Variants in PREX1 observed in about 807,000 individuals in gnomAD.
PREX1 encodes the protein phosphatidylinositol 3,4,5-trisphosphate-dependent Rac exchanger 1 protein.
Under a neutral mutation model 198.3 loss-of-function variants are expected in PREX1, and 41 were observed. The ratio of observed to expected loss-of-function variants is 0.21; its 90% CI spans 0.16 to 0.27. The LOEUF (loss-of-function observed/expected upper bound fraction) is 0.27, where lower values mean the gene tolerates loss of function less well. PREX1 is among the 10% of genes least tolerant of loss of function. The pLI, the probability that PREX1 is intolerant of heterozygous loss-of-function variation, is 1.00. For missense variants in PREX1, 1,620 were observed against 2,200.7 expected (o/e 0.74, Z 5.28); for synonymous variants, 843 against 887.2 (o/e 0.95, Z 0.89).
At chr20:48,658,490 C>T (rs574778597) in intron 16 of PREX1, among the ~76,000 whole-genome samples, 31 of 152,258 alleles carry the variant, frequency 2.0e-4, no homozygotes, top group Admixed American at 1.6e-3. Flanking sequence ...TAGGGAGGAG[C>T]GGTCCCACCC....
chr20:48,691,554 G>T lies in PREX1; in HGVS notation c.1037-458C>A, dbSNP rs538946898. ...ACAGATTGGCATGATCTAGGGAAGC[G>T]AAAGCCTGAATCTGAGGAGGGCTCC... On this transcript the variant is annotated intron_variant, in intron 8 of 39. Transcript: ENST00000371941. This position sits in a 1 kb window ranked among gnomAD's most constrained non-coding sequence, Gnocchi z 5.0. Among the ~76,000 whole-genome samples, 2 of 152,196 alleles carry T rather than the reference G, an allele frequency of 1.3e-5. No individual in the cohort carries two copies. The highest frequency in any genetic ancestry group is 4.8e-5 in the African/African-American group (2 of 41,448).
chr20:48,681,092 T>C (rs1317906866), intron 11 of PREX1, 143 bp downstream of exon 11: 4 of 741,336 alleles, frequency 5.4e-6, no homozygotes, highest in Non-Finnish European at 9.1e-6. Flanking sequence ...AGGGCATCCA[T>C]GTTCCTGCGG....
intron 4 of PREX1, among the ~76,000 whole-genome samples, chr20:48,730,204 C>A (rs2090028576): frequency 6.6e-6 from 1 of 151,168 alleles, no homozygotes; most frequent in Non-Finnish European, 1.5e-5. Context: ...GCAAACAAGA[C>A]CCTCCCTGGA....
chr20:48,696,152 C>G (rs1252203347), intron 7 of PREX1, among the ~76,000 whole-genome samples: 1 of 152,170 alleles, frequency 6.6e-6, no homozygotes, highest in African/African-American at 2.4e-5. Context: ...TACTCTTTGT[C>G]CTGTTTAAGA....
At chr20:48,662,807 C>T (rs999701037) in intron 15 of PREX1, among the ~76,000 whole-genome samples, 1 of 152,176 alleles carries the variant, frequency 6.6e-6, no homozygotes, top group Non-Finnish European at 1.5e-5. Context: ...AGCAGGGTCA[C>T]GCCCTGCAAT....
chr20:48,714,890 G>C (rs185719024), intron 5 of PREX1, among the ~76,000 whole-genome samples: 2 of 152,156 alleles, frequency 1.3e-5, no homozygotes, highest in Non-Finnish European at 2.9e-5. Context: ...ATGGAAACTC[G>C]AAGGTGTCCC....
At chr20:48,726,024 T>C (rs943435403) in intron 5 of PREX1, among the ~76,000 whole-genome samples, 2 of 151,970 alleles carry the variant, frequency 1.3e-5, no homozygotes, top group African/African-American at 4.8e-5. Flanking sequence ...CAGCTCTTAG[T>C]AGAGAGGTTC....
intron 5 of PREX1, 24 bp from the exon 6 acceptor site, chr20:48,708,445 G>A: frequency 6.2e-7 from 1 of 1,612,060 alleles, no homozygotes; most frequent in Non-Finnish European, 8.5e-7. Flanking sequence ...GAGGTGGGGA[G>A]AAGAAAGCAA....
At chr20:48,852,591 G>A in the PREX1 span, among the ~76,000 whole-genome samples, 1 of 152,324 alleles carries the variant, frequency 6.6e-6, no homozygotes, top group East Asian at 1.9e-4. Flanking sequence ...GATCTGGGTT[G>A]GAGCCTGTAA....
At chr20:48,883,900 G>C in the PREX1 span, among the ~76,000 whole-genome samples, 10 of 152,200 alleles carry the variant, frequency 6.6e-5, no homozygotes, top group East Asian at 1.9e-4. Context: ...CAGCACTTTG[G>C]GGGGCTGAGG....
chr20:48,884,824 T>C, the PREX1 span, among the ~76,000 whole-genome samples: 14 of 152,096 alleles, frequency 9.2e-5, no homozygotes, highest in Admixed American at 2.6e-4. Context: ...AAAAGACAAA[T>C]AAACCGGCAG....
At chr20:48,763,566 C>T (rs758000474) in intron 1 of PREX1, among the ~76,000 whole-genome samples, 4 of 152,180 alleles carry the variant, frequency 2.6e-5, no homozygotes, top group Non-Finnish European at 5.9e-5. Context: ...TTTCCTCAGT[C>T]CAACTATTTT....
At chr20:48,760,687 T>C (rs1198714900) in intron 1 of PREX1, among the ~76,000 whole-genome samples, 1 of 152,058 alleles carries the variant, frequency 6.6e-6, no homozygotes, top group East Asian at 1.9e-4. Context: ...CTTGTGATGA[T>C]ATTCTAGGGG....
chr20:48,692,635 T>G (rs2089825297), intron 8 of PREX1, 37 bp downstream of exon 8: 1 of 1,511,406 alleles, frequency 6.6e-7, no homozygotes, highest in Non-Finnish European at 9.0e-7. Context: ...CAGGCAGGGC[T>G]CAGGCAGGGC....
chr20:48,686,328 G>A (rs1378925974), intron 10 of PREX1, among the ~76,000 whole-genome samples: 1 of 152,246 alleles, frequency 6.6e-6, no homozygotes, highest in Non-Finnish European at 1.5e-5. Context: ...TGTGTGCAGA[G>A]CAAAGCCGTG....
intron 3 of PREX1, among the ~76,000 whole-genome samples, chr20:48,739,174 T>C (rs1298175246): frequency 6.6e-6 from 1 of 152,114 alleles, no homozygotes; most frequent in East Asian, 1.9e-4. Context: ...CAGTCTCCCT[T>C]CTTCTCTCAA....
At chr20:48,687,703 G>A (rs1268816015) in intron 10 of PREX1, among the ~76,000 whole-genome samples, 1 of 152,200 alleles carries the variant, frequency 6.6e-6, no homozygotes, top group East Asian at 1.9e-4. Flanking sequence ...GTCCTCTCCG[G>A]AGTGTCTAGC....
At chr20:48,769,019 G>A (rs937548578) in intron 1 of PREX1, among the ~76,000 whole-genome samples, 2 of 151,434 alleles carry the variant, frequency 1.3e-5, no homozygotes, top group African/African-American at 2.4e-5. Flanking sequence ...TACTGTCCAC[G>A]CATGGGTTGT....
intron 7 of PREX1, among the ~76,000 whole-genome samples, chr20:48,693,576 C>T (rs368502257): frequency 1.1e-4 from 16 of 152,178 alleles, no homozygotes; most frequent in Admixed American, 2.6e-4. Context: ...GTACAAAATA[C>T]ATTTCTGTTG....
Sources: gnomAD v4.1 joint callset for allele counts (sites outside exome capture counted in the v4.1 genomes callset) on GRCh38, gnomAD v4.1.1 for gene constraint, Gnocchi (gnomAD v3.1) non-coding constraint, MANE v1.5 for transcripts, NCBI Gene and HGNC (gene_info 2026-07-23, HGNC 2026-07-21) for gene names.